The following EIF3H variants were observed in gnomAD, a reference collection of about 807,000 sequenced individuals.
The protein encoded by EIF3H is eIF-3-gamma.
Under a neutral mutation model 44.2 loss-of-function variants are expected in EIF3H, and 26 were observed. The observed-to-expected ratio is 0.59, with a 90% CI of 0.43 to 0.82. The LOEUF is 0.82. EIF3H is among the 40% of genes least tolerant of loss of function. The pLI is 0.00. For synonymous variants in EIF3H, 166 were observed against 151.9 expected, an observed-to-expected ratio of 1.09 and a Z score of -0.68; for missense variants, 359 against 432.8, an observed-to-expected ratio of 0.83 and a Z score of 1.51.
At chr8:116,721,169 C>T (rs1027721017) in intron 2 of EIF3H, among the ~76,000 whole-genome samples, 19 of 152,126 alleles carry the variant, frequency 1.2e-4, no homozygotes, top group Non-Finnish European at 2.4e-4. Flanking sequence ...AGCCTAGGGA[C>T]TTGGTGGCCT....
chr8:116,743,043 G>C (rs1815157483), intron 1 of EIF3H, among the ~76,000 whole-genome samples: 1 of 152,140 alleles, frequency 6.6e-6, no homozygotes, highest in African/African-American at 2.4e-5. Context: ...ATGTAAAATG[G>C]GAGTTTTCTT....
chr8:116,745,298 T>C (rs1038472931), intron 1 of EIF3H, among the ~76,000 whole-genome samples: 2 of 152,194 alleles, frequency 1.3e-5, no homozygotes, highest in Non-Finnish European at 2.9e-5. Context: ...CTAAAAATCA[T>C]ATCAACAATG....
intron 2 of EIF3H, among the ~76,000 whole-genome samples, chr8:116,696,684 T>C (rs934358551): frequency 2.0e-5 from 3 of 152,232 alleles, no homozygotes; most frequent in African/African-American, 4.8e-5. Flanking sequence ...TTCAGAATAC[T>C]TACAAAATAG....
chr8:116,727,813 T>C (rs1814874907), intron 1 of EIF3H, among the ~76,000 whole-genome samples: 1 of 152,250 alleles, frequency 6.6e-6, no homozygotes, highest in Admixed American at 6.5e-5. Flanking sequence ...CATAATTCTG[T>C]GCACTGTAAC....
At chr8:116,668,195 A>G (rs764326590) in intron 2 of EIF3H, among the ~76,000 whole-genome samples, 2 of 152,252 alleles carry the variant, frequency 1.3e-5, no homozygotes, top group African/African-American at 4.8e-5. Flanking sequence ...AAAATTTTAA[A>G]TGGCATAGGA....
At chr8:116,702,770 C>A (rs566077239) in intron 2 of EIF3H, among the ~76,000 whole-genome samples, 1 of 152,280 alleles carries the variant, frequency 6.6e-6, no homozygotes, top group East Asian at 1.9e-4. Flanking sequence ...GTACGAATAA[C>A]AAAGGACAAC....
intron 1 of EIF3H, 109 bp downstream of exon 1, chr8:116,755,557 G>C: frequency 6.8e-7 from 1 of 1,462,244 alleles, no homozygotes. Flanking sequence ...AAAAACTTTG[G>C]CCCAGCCACA....
intron 2 of EIF3H, among the ~76,000 whole-genome samples, chr8:116,709,307 A>G (rs982051165): frequency 6.6e-6 from 1 of 152,174 alleles, no homozygotes. Context: ...TTTAAAAAGG[A>G]GCAGGTCTTA....
intron 2 of EIF3H, among the ~76,000 whole-genome samples, chr8:116,688,056 T>C (rs1014030894): frequency 6.6e-6 from 1 of 152,160 alleles, no homozygotes; most frequent in Non-Finnish European, 1.5e-5. Flanking sequence ...ATTTAACTCA[T>C]AATTTCCTTC....
chr8:116,656,315 G>A (rs1376167246), intron 4 of EIF3H, among the ~76,000 whole-genome samples: 3 of 152,134 alleles, frequency 2.0e-5, no homozygotes, highest in Admixed American at 6.6e-5. Flanking sequence ...AAATGTCACA[G>A]TAAGTTATGC....
chr8:116,765,666 G>A (rs1563666677), exon 1 of EIF3H: 1 of 152,200 alleles, frequency 6.6e-6, no homozygotes, highest in Non-Finnish European at 1.5e-5. Context: ...TCCTATGTCA[G>A]AGACCATGCA....
chr8:116,707,990 C>G (rs1156694094), intron 2 of EIF3H, among the ~76,000 whole-genome samples: 1 of 152,084 alleles, frequency 6.6e-6, no homozygotes, highest in Non-Finnish European at 1.5e-5. Context: ...ATTTCTAAAA[C>G]TTTAAGTACA....
At chr8:116,749,619 C>T (rs1442703565) in intron 1 of EIF3H, among the ~76,000 whole-genome samples, 2 of 152,220 alleles carry the variant, frequency 1.3e-5, no homozygotes, top group South Asian at 2.1e-4. Context: ...AGAATGAAGA[C>T]CCATTCTTTC....
intron 2 of EIF3H, among the ~76,000 whole-genome samples, chr8:116,671,774 C>T (rs1813760265): frequency 6.6e-6 from 1 of 152,182 alleles, no homozygotes; most frequent in African/African-American, 2.4e-5. Flanking sequence ...CAGAGTTCTC[C>T]ACACCTTTAA....
chr8:116,754,438 C>A (rs1815407746), intron 1 of EIF3H, among the ~76,000 whole-genome samples: 1 of 152,178 alleles, frequency 6.6e-6, no homozygotes, highest in African/African-American at 2.4e-5. Flanking sequence ...ACACAAGTGA[C>A]ATTTAGAACA....
chr8:116,733,647 T>C (rs535008959), intron 1 of EIF3H, among the ~76,000 whole-genome samples: 43 of 152,062 alleles, frequency 2.8e-4, no homozygotes, highest in Non-Finnish European at 5.4e-4. Flanking sequence ...TAAAAATCCC[T>C]AAAATTTTCA....
intron 5 of EIF3H, among the ~76,000 whole-genome samples, chr8:116,652,116 AG>A (rs990210094): frequency 6.6e-6 from 1 of 152,196 alleles, no homozygotes; most frequent in African/African-American, 2.4e-5. Context: ...TGAGCACAAG[AG>A]GGGGTTCACT....
intron 2 of EIF3H, among the ~76,000 whole-genome samples, chr8:116,678,007 C>T (rs1250585048): frequency 1.3e-5 from 2 of 152,200 alleles, no homozygotes; most frequent in Non-Finnish European, 2.9e-5. Flanking sequence ...CCCCTTCCCA[C>T]GGTCTCCTTC....
chr8:116,763,450 A>G (rs189123421), intron 1 of EIF3H, among the ~76,000 whole-genome samples: 251 of 152,324 alleles, frequency 1.6e-3, no homozygotes, highest in African/African-American at 5.8e-3. Context: ...TGAAATACAT[A>G]AAGTTTTTGT....
Sources: gnomAD v4.1 joint callset for allele counts (sites outside exome capture counted in the v4.1 genomes callset) on GRCh38, gnomAD v4.1.1 for gene constraint, MANE v1.5 for transcripts, NCBI Gene and HGNC (gene_info 2026-07-23, HGNC 2026-07-21) for gene names.